The following CSMD3 variants were observed in gnomAD, a reference collection of about 807,000 sequenced individuals.
CSMD3 encodes CUB and Sushi multiple domains 3, also known as CUB and sushi domain-containing protein 3.
A neutral mutation model predicts 435.2 loss-of-function variants in CSMD3; 177 were observed. That is an observed-to-expected ratio of 0.41 (90% CI 0.36 to 0.46). The LOEUF is 0.46. Among genes scored for constraint, CSMD3 ranks in the 20% least tolerant of loss-of-function variants. The probability of loss-of-function intolerance (pLI) is 0.34; values close to 1 mark genes in which losing one functional copy is unlikely to be tolerated. For missense variants in CSMD3, 4,265 were observed against 4,504.6 expected (o/e 0.95, Z 1.52); for synonymous variants, 1,656 against 1,520.5 (o/e 1.09, Z -2.07).
rs534502474 is a variant in CSMD3, at chr8:113,007,587, T to C, written c.1030+11480A>G. On this transcript the variant is annotated intron_variant, in intron 6 of 70. Coordinates refer to ENST00000297405, the MANE Select transcript of CSMD3 (RefSeq NM_198123.2). Reference sequence around the variant, plus strand: ...CTATCCTCAAGAACTGTAAGATATATATTTCTGTTGTGTAAGCCACCCAAG... The same window carrying C: ...CTATCCTCAAGAACTGTAAGATATACATTTCTGTTGTGTAAGCCACCCAAG... Among the ~76,000 whole-genome samples, 6 of 152,050 alleles carry C rather than the reference T, an allele frequency of 3.9e-5. No homozygotes were observed. The South Asian group carries it at 8.3e-4, about 21-fold the overall frequency.
At chr8:113,356,571 GAATAA>G (rs2094229917) in intron 1 of CSMD3, among the ~76,000 whole-genome samples, 1 of 152,036 alleles carries the variant, frequency 6.6e-6, no homozygotes, top group Non-Finnish European at 1.5e-5. Context: ...TGTATTGAAT[GAATAA>G]AATAAATGAA....
At chr8:112,357,140 G>A (rs2131091289) in intron 38 of CSMD3, among the ~76,000 whole-genome samples, 1 of 152,276 alleles carries the variant, frequency 6.6e-6, no homozygotes, top group Admixed American at 6.5e-5. Context: ...ATAGTGATAT[G>A]AAGGGTAAGT....
chr8:112,995,219 T>C (rs900675065), intron 6 of CSMD3, among the ~76,000 whole-genome samples: 3 of 151,400 alleles, frequency 2.0e-5, no homozygotes, highest in African/African-American at 7.3e-5. Flanking sequence ...AATATGAAGA[T>C]TGCATTTGAG....
At chr8:112,327,602 A>G (rs1823626508) in intron 45 of CSMD3, among the ~76,000 whole-genome samples, 1 of 152,204 alleles carries the variant, frequency 6.6e-6, no homozygotes, top group South Asian at 2.1e-4. Flanking sequence ...TTCACACTTT[A>G]AAAATACACA....
At position 112,933,528 on chromosome 8, in the gene CSMD3, T is replaced by C. The variant is rs570201196; in HGVS notation, c.1509-11777A>G. Among the ~76,000 whole-genome samples, 76 of 152,230 alleles carry C rather than the reference T, an allele frequency of 5.0e-4. No individual in the cohort carries two copies. In the Middle Eastern group the frequency reaches 0.01, roughly 20 times the overall value. ...TAGGCCAGCTGGAGCCCATAATGCA[T>C]TAAACAGTGGAAATAGCAATGGAGT... On this transcript the variant is annotated intron_variant, in intron 9 of 70. Coordinates refer to ENST00000297405, the MANE Select transcript of CSMD3 (RefSeq NM_198123.2).
chr8:112,622,476 G>A (rs1357534864), intron 22 of CSMD3, among the ~76,000 whole-genome samples: 1 of 152,146 alleles, frequency 6.6e-6, no homozygotes. Flanking sequence ...TTTAAACAAT[G>A]TACAATGTTC....
chr8:112,852,712 G>A (rs1312301590), intron 11 of CSMD3, among the ~76,000 whole-genome samples: 1 of 152,036 alleles, frequency 6.6e-6, no homozygotes, highest in Non-Finnish European at 1.5e-5. Flanking sequence ...CGCGAGGTCA[G>A]GAGATTGAGA....
intron 3 of CSMD3, among the ~76,000 whole-genome samples, chr8:113,216,186 T>G (rs1171766523): frequency 6.6e-6 from 1 of 151,874 alleles, no homozygotes; most frequent in African/African-American, 2.4e-5. Flanking sequence ...ATAATTACAT[T>G]AATTATTGCT....
At chr8:112,306,307 C>G in intron 50 of CSMD3, 115 bp from the exon 51 acceptor site, 1 of 747,568 alleles carries the variant, frequency 1.3e-6, no homozygotes, top group Admixed American at 2.1e-5. Context: ...ATCAATTCCT[C>G]TGAAACAATC....
intron 47 of CSMD3, among the ~76,000 whole-genome samples, chr8:112,318,256 C>T (rs1822660618): frequency 6.6e-6 from 1 of 152,000 alleles, no homozygotes; most frequent in African/African-American, 2.4e-5. Flanking sequence ...TCAAGCTTTC[C>T]CTACCCCACA....
intron 2 of CSMD3, chr8:113,313,846 G>A (rs941112079): frequency 7.9e-5 from 12 of 152,136 alleles, no homozygotes; most frequent in Non-Finnish European, 1.8e-4. Flanking sequence ...TTCTTGGAAT[G>A]TTGAATTTTT....
chr8:113,059,699 G>C (rs917936607), intron 5 of CSMD3, among the ~76,000 whole-genome samples: 12 of 152,124 alleles, frequency 7.9e-5, no homozygotes, highest in South Asian at 2.1e-4. Flanking sequence ...TCAGAACTAT[G>C]AATCACTTTA....
intron 34 of CSMD3, among the ~76,000 whole-genome samples, chr8:112,408,051 G>A (rs1199117589): frequency 1.3e-5 from 2 of 151,834 alleles, no homozygotes; most frequent in African/African-American, 4.8e-5. Context: ...AGATAGTAAA[G>A]GATTGTCAGG....
At chr8:113,090,740 A>G (rs1351389) in intron 5 of CSMD3, among the ~76,000 whole-genome samples, 102,116 of 151,932 alleles carry the variant, frequency 0.67, 35,932 homozygotes, top group East Asian at 0.95. Context: ...AGCCTGCTGT[A>G]GAAAAATTAT....
At chr8:112,724,527 C>T (rs1030568839) in intron 13 of CSMD3, among the ~76,000 whole-genome samples, 1 of 151,998 alleles carries the variant, frequency 6.6e-6, no homozygotes. Context: ...TTTCTATTAA[C>T]TTAGATGGAG....
chr8:112,911,018 G>T lies in CSMD3; in HGVS notation c.1633+10609C>A, dbSNP rs941979169. 2.0e-5 allele frequency among the ~76,000 whole-genome samples: 3 copies of T among 151,810 alleles called. No homozygotes were observed. In the Admixed American group the frequency reaches 2.0e-4, roughly 10 times the overall value. On this transcript the variant is annotated intron_variant, in intron 10 of 70. Transcript: ENST00000297405. ...TGGTTATGAATCTTTGCTTCTAGCT[G>T]CTCCTATTTTAGTCTTTCACAGGCT...
chr8:112,807,471 T>C (rs1279344040), intron 12 of CSMD3, among the ~76,000 whole-genome samples: 1 of 150,426 alleles, frequency 6.6e-6, no homozygotes, highest in Non-Finnish European at 1.5e-5. Flanking sequence ...TAGAAGTTAC[T>C]GGAGTTGCAA....
At chr8:113,123,739 T>C (rs1200578397) in intron 4 of CSMD3, among the ~76,000 whole-genome samples, 1 of 151,970 alleles carries the variant, frequency 6.6e-6, no homozygotes, top group African/African-American at 2.4e-5. Context: ...GAGGTATCCT[T>C]TTTTGTGGGT....
chr8:112,987,654 G>A (rs559132299), intron 6 of CSMD3, among the ~76,000 whole-genome samples: 1 of 152,196 alleles, frequency 6.6e-6, no homozygotes, highest in South Asian at 2.1e-4. Context: ...TGAAATCAGT[G>A]CCTTTATGCA....
Sources: gnomAD v4.1 joint callset for allele counts (sites outside exome capture counted in the v4.1 genomes callset) on GRCh38, gnomAD v4.1.1 for gene constraint, MANE v1.5 for transcripts, NCBI Gene and HGNC (gene_info 2026-07-23, HGNC 2026-07-21) for gene names.